Variants in WWOX observed in about 807,000 individuals in gnomAD.
WWOX encodes WW domain containing oxidoreductase, also known as WW domain-containing oxidoreductase.
WWOX carries 69 observed loss-of-function variants against 46.2 expected under a neutral mutation model. The ratio of observed to expected loss-of-function variants is 1.49; its 90% CI spans 1.23 to 1.82. The LOEUF is 1.82. Among genes scored for constraint, WWOX ranks in the 40% most tolerant of loss-of-function variants. WWOX has a pLI of 0.00. For synonymous variants in WWOX, 359 were observed against 202.6 expected, an observed-to-expected ratio of 1.77 and a Z score of -6.56; for missense variants, 919 against 542.6, an observed-to-expected ratio of 1.69 and a Z score of -6.89.
chr16:78,109,505 T>C (rs563708917), intron 2 of WWOX, among the ~76,000 whole-genome samples: 1 of 152,336 alleles, frequency 6.6e-6, no homozygotes, highest in Non-Finnish European at 1.5e-5. Flanking sequence ...AGAATTCCCA[T>C]GGATTGGCAC....
chr16:79,069,659 G>A (rs1030420993), intron 8 of WWOX, among the ~76,000 whole-genome samples: 1 of 150,974 alleles, frequency 6.6e-6, no homozygotes, highest in African/African-American at 2.4e-5. Flanking sequence ...AAAAAATAAA[G>A]AAAACATCTA....
At chr16:78,458,176 C>T (rs551244004) in intron 8 of WWOX, among the ~76,000 whole-genome samples, 18 of 151,672 alleles carry the variant, frequency 1.2e-4, no homozygotes, top group African/African-American at 4.4e-4. Flanking sequence ...ATGATTTTGT[C>T]GAACTTGCCC....
intron 5 of WWOX, among the ~76,000 whole-genome samples, chr16:78,166,165 CT>C (rs950636134): frequency 2.7e-3 from 393 of 145,400 alleles, no homozygotes; most frequent in Admixed American, 2.4e-3. Flanking sequence ...CTGTTCTGTA[CT>C]TTTTTTTTTT....
chr16:78,894,883 G>A (rs1426857937), intron 8 of WWOX, among the ~76,000 whole-genome samples: 1 of 152,130 alleles, frequency 6.6e-6, no homozygotes, highest in Non-Finnish European at 1.5e-5. Context: ...GCATAACTCA[G>A]TTCTCGGAAT....
chr16:78,256,358 G>A (rs1167471112), intron 5 of WWOX, among the ~76,000 whole-genome samples: 31 of 151,736 alleles, frequency 2.0e-4, no homozygotes, highest in South Asian at 4.2e-4. Context: ...GGCCTCTACC[G>A]CTTCACTTCT....
intron 8 of WWOX, among the ~76,000 whole-genome samples, chr16:78,955,532 G>A (rs900187331): frequency 6.6e-6 from 1 of 152,034 alleles, no homozygotes; most frequent in Non-Finnish European, 1.5e-5. Flanking sequence ...AGGCTGCAGG[G>A]ATAATAACTG....
intron 8 of WWOX, among the ~76,000 whole-genome samples, chr16:78,885,786 G>C (rs1052440340): frequency 3.3e-5 from 5 of 151,976 alleles, no homozygotes; most frequent in Non-Finnish European, 5.9e-5. Flanking sequence ...TAGAAGGATC[G>C]GATTCTTCCC....
intron 8 of WWOX, among the ~76,000 whole-genome samples, chr16:78,436,410 G>T (rs73572860): frequency 0.018 from 2,790 of 152,282 alleles, 86 homozygotes; most frequent in African/African-American, 0.062. Flanking sequence ...TTCTGACCTT[G>T]AGTGATTAGA....
At chr16:78,850,691 T>A (rs2052421011) in intron 8 of WWOX, among the ~76,000 whole-genome samples, 1 of 152,180 alleles carries the variant, frequency 6.6e-6, no homozygotes, top group South Asian at 2.1e-4. Context: ...TACTTGTGTC[T>A]CTGTGCCAGT....
At chr16:78,408,856 C>G (rs1162057999) in intron 6 of WWOX, among the ~76,000 whole-genome samples, 2 of 152,286 alleles carry the variant, frequency 1.3e-5, no homozygotes, top group South Asian at 4.1e-4. Context: ...TGAGCCCCAT[C>G]TCAGTGGACC....
rs540417883 is a variant in WWOX, at chr16:78,694,039, C to G, written c.1056+261287C>G. ...GTTGAGGTCAGAGTTCAAGACCAGC[C>G]TGGCCAACATGGTGAAACCCTGTTT... On this transcript the variant is annotated intron_variant, in intron 8 of 8. Coordinates refer to ENST00000566780, the MANE Select transcript of WWOX (RefSeq NM_016373.4). Among the ~76,000 whole-genome samples the G allele has an allele frequency of 5.9e-5, 9 of 152,168 alleles. No individual in the cohort carries two copies. The South Asian group carries it at 1.7e-3, about 28-fold the overall frequency.
chr16:78,618,930 A>G (rs987587274), intron 8 of WWOX, among the ~76,000 whole-genome samples: 2 of 150,110 alleles, frequency 1.3e-5, no homozygotes, highest in East Asian at 2.0e-4. Flanking sequence ...GAAAGGTGCA[A>G]CTCCCACTGC....
intron 8 of WWOX, among the ~76,000 whole-genome samples, chr16:79,165,804 G>T (rs916532261): frequency 3.3e-5 from 5 of 152,166 alleles, no homozygotes; most frequent in African/African-American, 1.2e-4. Flanking sequence ...CTCCGAGTCA[G>T]CCTGAACAAA....
At chr16:78,581,978 A>G (rs745845349) in intron 8 of WWOX, among the ~76,000 whole-genome samples, 1 of 152,228 alleles carries the variant, frequency 6.6e-6, no homozygotes, top group Non-Finnish European at 1.5e-5. Context: ...TATGTCAGGT[A>G]TAACTTGGGG....
chr16:78,818,821 G>C (rs2051415511), intron 8 of WWOX, among the ~76,000 whole-genome samples: 2 of 152,190 alleles, frequency 1.3e-5, no homozygotes, highest in Non-Finnish European at 2.9e-5. Flanking sequence ...TCCAAAGGTT[G>C]CTTTTAAGCG....
At chr16:78,463,973 A>C (rs2084014404) in intron 8 of WWOX, among the ~76,000 whole-genome samples, 1 of 152,060 alleles carries the variant, frequency 6.6e-6, no homozygotes, top group Non-Finnish European at 1.5e-5. Flanking sequence ...TCTCCAAGGG[A>C]ACAGAAGTCT....
At chr16:79,071,667 T>C (rs1207006085) in intron 8 of WWOX, among the ~76,000 whole-genome samples, 1 of 152,252 alleles carries the variant, frequency 6.6e-6, no homozygotes, top group East Asian at 1.9e-4. Flanking sequence ...CTTGGGTCTT[T>C]CTTGGCCTCC....
rs1182360643 is a variant in WWOX at position 78,314,684 on chromosome 16, A to AGG, written c.517-72173_517-72172dup. Reference sequence around the variant, plus strand: ...GGACTACAGGCACACCCCACCCTGCAGGGGTTTTTTTTTTTTGTTTTTTTT... The same window carrying AGG: ...GGACTACAGGCACACCCCACCCTGCAGGGGGGTTTTTTTTTTTTGTTTTTTTT... On this transcript the variant is annotated intron_variant, in intron 5 of 8. Coordinates refer to ENST00000566780, the MANE Select transcript of WWOX (RefSeq NM_016373.4). Among the ~76,000 whole-genome samples, 5 of 87,452 alleles carry AGG rather than the reference A, an allele frequency of 5.7e-5. No homozygotes were observed. In the South Asian group the frequency reaches 2.3e-3, roughly 40 times the overall value. The allele number at this position is 87,452 out of a possible 152,430, so 57.4% of individuals were successfully genotyped here. A position where few individuals can be genotyped will look rare whatever the true frequency, so the allele number is the denominator to read the frequency against.
At chr16:78,550,896 T>C (rs1312888066) in intron 8 of WWOX, 1 of 152,176 alleles carries the variant, frequency 6.6e-6, no homozygotes, top group East Asian at 1.9e-4. Context: ...TGGTATGACT[T>C]ATCACTTGGC....
Sources: gnomAD v4.1 joint callset for allele counts (sites outside exome capture counted in the v4.1 genomes callset) on GRCh38, gnomAD v4.1.1 for gene constraint, MANE v1.5 for transcripts, NCBI Gene and HGNC (gene_info 2026-07-23, HGNC 2026-07-21) for gene names.